Variants in C1orf21 observed in about 807,000 individuals in gnomAD.
C1orf21 encodes the protein uncharacterized protein C1orf21.
C1orf21 carries 3 observed loss-of-function variants against 18.7 expected under a neutral mutation model. The ratio of observed to expected loss-of-function variants is 0.16; its 90% CI spans 0.07 to 0.42. The LOEUF is 0.42. Ranked by LOEUF, C1orf21 falls within the 10% of genes least tolerant of loss-of-function variation. The probability of loss-of-function intolerance (pLI) is 0.99; values close to 1 mark genes in which losing one functional copy is unlikely to be tolerated. For synonymous variants in C1orf21, 41 were observed against 46.4 expected, an observed-to-expected ratio of 0.88 and a Z score of 0.47; for missense variants, 104 against 143.6, an observed-to-expected ratio of 0.72 and a Z score of 1.41.
intron 3 of C1orf21, chr1:184,567,497 C>A: frequency 1.9e-6 from 1 of 538,406 alleles, no homozygotes. Context: ...TGTAGGGAAG[C>A]TGAGTGCAGT....
rs183439274 is a variant in C1orf21 at position 184,485,375 on chromosome 1, T to C, written c.94+7772T>C. On this transcript the variant is annotated intron_variant, in intron 2 of 5. Coordinates refer to ENST00000235307, the MANE Select transcript of C1orf21 (RefSeq NM_030806.4). ...TCAGGTTAAATAAAATATATGAAGA[T>C]GAATTTCACCTGCTGCTTTTTATCT... 9.8e-5 allele frequency among the ~76,000 whole-genome samples: 15 copies of C among 152,318 alleles called. No individual in the cohort carries two copies. The East Asian group carries it at 2.7e-3, about 27-fold the overall frequency.
intron 2 of C1orf21, among the ~76,000 whole-genome samples, chr1:184,479,842 A>G (rs1657628356): frequency 6.6e-6 from 1 of 151,878 alleles, no homozygotes; most frequent in Non-Finnish European, 1.5e-5. Flanking sequence ...AGGCTGATCT[A>G]AAACTCCTGG....
intron 5 of C1orf21, among the ~76,000 whole-genome samples, chr1:184,615,994 C>G (rs1438938002): frequency 6.6e-6 from 1 of 152,186 alleles, no homozygotes; most frequent in African/African-American, 2.4e-5. Context: ...ACTACTAACT[C>G]TAGTCACCCT....
intron 1 of C1orf21, among the ~76,000 whole-genome samples, chr1:184,419,029 A>G (rs1656503990): frequency 6.6e-6 from 1 of 152,150 alleles, no homozygotes; most frequent in South Asian, 2.1e-4. Flanking sequence ...GGCTTTCCAT[A>G]ATATGTCCAA....
intron 3 of C1orf21, among the ~76,000 whole-genome samples, chr1:184,511,972 G>A (rs1658155506): frequency 6.6e-6 from 1 of 152,182 alleles, no homozygotes; most frequent in Non-Finnish European, 1.5e-5. Context: ...AATTTAAAAT[G>A]AGACTTGGGT....
At chr1:184,485,152 G>C (rs894659473) in intron 2 of C1orf21, among the ~76,000 whole-genome samples, 4 of 152,154 alleles carry the variant, frequency 2.6e-5, no homozygotes, top group African/African-American at 9.7e-5. Flanking sequence ...ATGTTTGTCA[G>C]TGCAGTCCAG....
intron 5 of C1orf21, among the ~76,000 whole-genome samples, chr1:184,609,882 G>A (rs1571300570): frequency 6.6e-6 from 1 of 152,254 alleles, no homozygotes; most frequent in East Asian, 1.9e-4. Flanking sequence ...TGATTGGGAA[G>A]AGATGCTGTT....
intron 5 of C1orf21, among the ~76,000 whole-genome samples, chr1:184,618,588 G>A (rs562317934): frequency 7.2e-5 from 11 of 151,888 alleles, no homozygotes; most frequent in South Asian, 2.1e-4. Flanking sequence ...TATTAGTATC[G>A]TTAAGTATTG....
At chr1:184,410,305 A>G (rs1338976300) in intron 1 of C1orf21, among the ~76,000 whole-genome samples, 1 of 152,002 alleles carries the variant, frequency 6.6e-6, no homozygotes, top group Non-Finnish European at 1.5e-5. Context: ...TCAGGTGGAT[A>G]TCTTTGATTT....
chr1:184,607,772 AAG>A (rs1176349357), intron 5 of C1orf21, among the ~76,000 whole-genome samples: 13 of 151,208 alleles, frequency 8.6e-5, no homozygotes, highest in Non-Finnish European at 1.0e-4. Context: ...TATAGAGAGA[AAG>A]AGTCACAATT....
intron 1 of C1orf21, among the ~76,000 whole-genome samples, chr1:184,460,617 GTCGTCTTCTTCTTCTTCTTCT>G (rs1443996790): frequency 0.026 from 2,979 of 116,490 alleles, 52 homozygotes; most frequent in Non-Finnish European, 0.037. Context: ...TATTGTCGTC[GTCGTCTTCTTCTTCTTCTTCT>G]TCTTCTTCTT....
intron 2 of C1orf21, among the ~76,000 whole-genome samples, chr1:184,488,033 G>A (rs181242012): frequency 3.3e-5 from 5 of 152,270 alleles, no homozygotes; most frequent in East Asian, 3.9e-4. Context: ...CTCTGATTAC[G>A]CTGGAGGAGA....
At chr1:184,530,250 A>G (rs1022229775) in intron 3 of C1orf21, among the ~76,000 whole-genome samples, 1 of 152,216 alleles carries the variant, frequency 6.6e-6, no homozygotes, top group Admixed American at 6.5e-5. Flanking sequence ...TCAGTTATTT[A>G]GCTCTGGGCC....
chr1:184,509,689 C>T (rs1658116300), intron 3 of C1orf21, among the ~76,000 whole-genome samples: 1 of 152,056 alleles, frequency 6.6e-6, no homozygotes, highest in Non-Finnish European at 1.5e-5. Context: ...ATAGATTTAA[C>T]AATTCTTTTT....
In C1orf21 at chr1:184,523,126, C is replaced by T. The variant is rs1369736452; in HGVS notation, c.189+15444C>T. On this transcript the variant is annotated intron_variant, in intron 3 of 5. Coordinates refer to ENST00000235307, the MANE Select transcript of C1orf21 (RefSeq NM_030806.4). ...TCATATCATTTATGTAGATAGTCTA[C>T]CCTTGAGGAGGTGGAACATTACTTC... is the stretch of plus-strand genomic sequence containing the variant. Among the ~76,000 whole-genome samples, 5 of 152,122 alleles carry T rather than the reference C, an allele frequency of 3.3e-5. No individual in the cohort carries two copies. In the East Asian group the frequency reaches 7.7e-4, roughly 23 times the overall value.
At chr1:184,544,949 G>T (rs1346012760) in intron 3 of C1orf21, among the ~76,000 whole-genome samples, 1 of 152,176 alleles carries the variant, frequency 6.6e-6, no homozygotes, top group Non-Finnish European at 1.5e-5. Flanking sequence ...TTCTTTCAAA[G>T]CATATAAACC....
intron 3 of C1orf21, among the ~76,000 whole-genome samples, chr1:184,577,720 T>G (rs1449964348): frequency 6.6e-6 from 1 of 152,192 alleles, no homozygotes; most frequent in Non-Finnish European, 1.5e-5. Context: ...GGCAAGGTTT[T>G]GGTTAGTCAC....
At chr1:184,449,257 T>A (rs533162323) in intron 1 of C1orf21, among the ~76,000 whole-genome samples, 1 of 150,660 alleles carries the variant, frequency 6.6e-6, no homozygotes, top group Non-Finnish European at 1.5e-5. Flanking sequence ...TGTCCATGTG[T>A]TCTCATTGTT....
chr1:184,573,439 C>A (rs1242480356), intron 3 of C1orf21, among the ~76,000 whole-genome samples: 1 of 152,044 alleles, frequency 6.6e-6, no homozygotes, highest in South Asian at 2.1e-4. Context: ...AGTTCTTGGC[C>A]GAAGATTCAT....
Sources: gnomAD v4.1 joint callset for allele counts (sites outside exome capture counted in the v4.1 genomes callset) on GRCh38, gnomAD v4.1.1 for gene constraint, MANE v1.5 for transcripts, NCBI Gene and HGNC (gene_info 2026-07-23, HGNC 2026-07-21) for gene names.